Variants in SHMT2 observed in about 807,000 individuals in gnomAD.
SHMT2 encodes the protein serine hydroxymethyltransferase 2.
SHMT2 carries 38 observed loss-of-function variants against 59.6 expected under a neutral mutation model. The observed-to-expected ratio is 0.64, with a 90% CI of 0.49 to 0.84. The LOEUF (loss-of-function observed/expected upper bound fraction) is 0.84, where lower values mean the gene tolerates loss of function less well. Ranked by LOEUF, SHMT2 falls within the 40% of genes least tolerant of loss-of-function variation. The probability of loss-of-function intolerance (pLI) is 0.00; values close to 1 mark genes in which losing one functional copy is unlikely to be tolerated. For missense variants in SHMT2, 533 were observed against 659.5 expected, an observed-to-expected ratio of 0.81 and a Z score of 2.10; for synonymous variants, 254 against 258.1, an observed-to-expected ratio of 0.98 and a Z score of 0.15.
Position 57,233,575 on chromosome 12 carries a change from A to G in SHMT2, c.1036A>G (p.Met346Val), listed in dbSNP as rs371588002. 1.9e-6 allele frequency: 3 copies of G among 1,613,496 alleles called. No individual in the cohort carries two copies. The highest frequency in any genetic ancestry group is 1.1e-5 in the South Asian group (1 of 91,006). The change falls in exon 9 of 12, where the codon ATG (methionine) becomes GTG (valine). Residue 346 changes from methionine (M) to valine (V), a missense_variant. Physicochemically the swap from Met to Val is conservative, Grantham distance 21 (BLOSUM62 1). Transcript: ENST00000328923. ...AVALKQACTP[M>V]FREYSLQVLK... ...GTCTCATCTCCAGGCCTGCACCCCCATGTTCCGGGAGTACTCCCTGCAGGT... is the reference window on the plus strand; with the variant it reads ...GTCTCATCTCCAGGCCTGCACCCCCGTGTTCCGGGAGTACTCCCTGCAGGT...
rs1394067487 is a variant in SHMT2 at position 57,232,047 on chromosome 12, G to A, written c.512+134G>A. On this transcript the variant is annotated intron_variant, in intron 4 of 11. Coordinates refer to ENST00000328923, the MANE Select transcript of SHMT2 (RefSeq NM_005412.6). ...TGTCCTGCATGTCACAGTGGATGAG[G>A]AAGATAAGATCCCAGTTATAGTGCC... 2.6e-6 allele frequency: 3 copies of A among 1,171,170 alleles called. No homozygotes were observed. The African/African-American group carries it at 4.5e-5, about 18-fold the overall frequency. The allele number at this position is 1,171,170 out of a possible 1,614,324, so 72.5% of individuals were successfully genotyped here.
chr12:57,230,301 C>T (rs534787441), intron 1 of SHMT2: 4 of 1,155,520 alleles, frequency 3.5e-6, no homozygotes, highest in South Asian at 1.7e-5. Context: ...GATCCCCACC[C>T]CCACCACTCC....
chr12:57,230,030 C>A, intron 1 of SHMT2: 1 of 1,421,996 alleles, frequency 7.0e-7, no homozygotes, highest in Admixed American at 2.9e-5. Context: ...CGCCCCAGGG[C>A]CTCGTGACCG....
intron 1 of SHMT2, 57 bp from the exon 2 acceptor site, chr12:57,230,746 C>A: frequency 6.3e-7 from 1 of 1,586,568 alleles, no homozygotes; most frequent in Non-Finnish European, 8.6e-7. Flanking sequence ...GTGAGGGTGG[C>A]CGGGAGACGA....
At position 57,232,846 on chromosome 12, in the gene SHMT2, C is replaced by A. The variant is rs755031581; in HGVS notation, c.857+3C>A. ...CACAAGACTCTTCGAGGGGCCAGGT[C>A]AGGCTCCCTGAGGTCGGGCCTTGCC... On this transcript the variant is annotated splice_donor_region_variant and intron_variant, in intron 7 of 11. Transcript: ENST00000328923. The A allele has an allele frequency of 2.5e-6, 4 of 1,603,590 alleles. No homozygotes were observed. The South Asian group carries it at 4.4e-5, about 18-fold the overall frequency.
rs73338162 is a variant in SHMT2, at chr12:57,230,918, C to G, written c.149C>G (p.Ser50Trp). The G allele has an allele frequency of 3.1e-6, 5 of 1,613,948 alleles. No individual in the cohort carries two copies. The South Asian group carries it at 4.4e-5, about 14-fold the overall frequency. ...GGCTGGACAGGCCAGGAGAGCCTGT[C>G]GGACAGTGATCCTGAGATGTGGGAG... Reference protein sequence around the residue: ...NRGWTGQESLSDSDPEMWELL... With the variant: ...NRGWTGQESLWDSDPEMWELL... Residue 50 changes from serine (S) to tryptophan (W), a missense_variant, in exon 2 of 12, where the codon TCG (serine) becomes TGG (tryptophan). By Grantham distance (177) the Ser-to-Trp change is radical (BLOSUM62 -3). Coordinates refer to ENST00000328923, the MANE Select transcript of SHMT2 (RefSeq NM_005412.6).
rs1432419003 is a variant in SHMT2, at chr12:57,231,545, G to T, written c.296G>T (p.Gly99Val). ...GSCLNNKYSE[G>V]YPGKRYYGGA... The stretch of plus-strand genomic sequence containing the variant: ...TGTCTGAACAACAAGTACTCGGAGG[G>T]TTATCCTGGCAAGAGGTGAGGGCTG... The change falls in exon 3 of 12, where the codon GGT (glycine) becomes GTT (valine). Residue 99 changes from glycine to valine, a missense_variant. Transcript: ENST00000328923. 23 of 1,614,098 alleles carry T rather than the reference G, an allele frequency of 1.4e-5. No homozygotes were observed. The highest frequency in any genetic ancestry group is 2.2e-5 in the East Asian group (1 of 44,904).
At position 57,233,167 on chromosome 12, in the gene SHMT2, A is replaced by T. The variant is rs199729005; in HGVS notation, c.858-13A>T. On this transcript the variant is annotated splice_polypyrimidine_tract_variant and intron_variant, in intron 7 of 11. Coordinates refer to ENST00000328923, the MANE Select transcript of SHMT2 (RefSeq NM_005412.6). ...TTTTCAGCTTAGACTCTGACCATCC[A>T]CCTCTCACACAGGTCAGGGCTCATC... The T allele has an allele frequency of 6.6e-7, 1 of 1,521,262 alleles. No homozygotes were observed. The highest frequency in any genetic ancestry group is 1.4e-5 in the African/African-American group (1 of 71,686). 94.2% of individuals were successfully genotyped at this position (1,521,262 alleles called of 1,614,324 possible). A position where few individuals can be genotyped will look rare whatever the true frequency, so the allele number is the denominator to read the frequency against.
rs2037318660 is a variant in SHMT2, at chr12:57,231,566, G to A, written c.311+6G>A. 6.8e-6 allele frequency: 11 copies of A among 1,614,080 alleles called. No homozygotes were observed. The highest frequency in any genetic ancestry group is 1.3e-5 in the African/African-American group (1 of 74,946). On this transcript the variant is annotated splice_donor_region_variant and intron_variant, in intron 3 of 11. Transcript: ENST00000328923. The stretch of plus-strand genomic sequence containing the variant: ...GAGGGTTATCCTGGCAAGAGGTGAG[G>A]GCTGGAGGGCAGTGTCAGGGATGGT...
Position 57,233,845 on chromosome 12 carries a change from C to T in SHMT2, c.1220C>T (p.Ala407Val). The stretch of plus-strand genomic sequence containing the variant: ...GTGCTAGAGCTTGTATCCATCACTG[C>T]CAACAAGAACACCTGTCCTGGAGAC... Reference protein sequence around the residue: ...ERVLELVSITANKNTCPGDRS... With the variant: ...ERVLELVSITVNKNTCPGDRS... The change falls in exon 10 of 12, where the codon GCC (alanine) becomes GTC (valine). Residue 407 changes from alanine (A) to valine (V), a missense_variant. Transcript: ENST00000328923. 1 of 1,614,196 alleles carries T rather than the reference C, an allele frequency of 6.2e-7. No individual in the cohort carries two copies. The highest frequency in any genetic ancestry group is 8.5e-7 in the Non-Finnish European group (1 of 1,180,038).
At chr12:57,231,432 C>T in intron 2 of SHMT2, 49 bp from the exon 3 acceptor site, 1 of 1,587,694 alleles carries the variant, frequency 6.3e-7, no homozygotes, top group Non-Finnish European at 8.6e-7. Flanking sequence ...CTGTGGGAGT[C>T]CAGGGGAAGG....
Position 57,231,792 on chromosome 12 carries a change from C to T in SHMT2, c.391C>T (p.Pro131Ser). Residue 131 changes from proline (P) to serine (S), a missense_variant, in exon 4 of 12, where the codon CCT (proline) becomes TCT (serine). Pro to Ser is a moderately conservative substitution (Grantham distance 74). Coordinates refer to ENST00000328923, the MANE Select transcript of SHMT2 (RefSeq NM_005412.6). Reference protein sequence around the residue: ...RRALEAFDLDPAQWGVNVQPY... With the variant: ...RRALEAFDLDSAQWGVNVQPY... ...GGCCTTGGAAGCCTTTGACCTGGATCCTGCACAGTGGGGAGTCAATGTCCA... is the reference window on the plus strand; with the variant it reads ...GGCCTTGGAAGCCTTTGACCTGGATTCTGCACAGTGGGGAGTCAATGTCCA... The T allele has an allele frequency of 6.2e-7, 1 of 1,614,154 alleles. No homozygotes were observed. The highest frequency in any genetic ancestry group is 8.5e-7 in the Non-Finnish European group (1 of 1,180,004).
intron 1 of SHMT2, chr12:57,230,207 G>A (rs1271427408): frequency 7.8e-7 from 1 of 1,274,710 alleles, no homozygotes; most frequent in South Asian, 1.3e-5. Flanking sequence ...TCAGGCAGGG[G>A]TCCCGGCGGC....
At chr12:57,231,054 C>G in intron 2 of SHMT2, 54 bp downstream of exon 2, 1 of 1,539,462 alleles carries the variant, frequency 6.5e-7, no homozygotes, top group Non-Finnish European at 9.0e-7. Flanking sequence ...CAGGAAGTAA[C>G]AAAGTTATCT....
At chr12:57,230,183 C>T in intron 1 of SHMT2, 1 of 1,294,504 alleles carries the variant, frequency 7.7e-7, no homozygotes, top group South Asian at 1.3e-5. Flanking sequence ...TGCAACCGAG[C>T]TTCACTGCTT....
In SHMT2 at chr12:57,231,086, C is replaced by G. The variant is rs1345212990; in HGVS notation, c.231+86C>G. On this transcript the variant is annotated intron_variant, in intron 2 of 11. Transcript: ENST00000328923. ...ATCTTAACTGATATTTCTCCAAAAC[C>G]CCCTTTCACACTCAGGACCTTTCTT... 6.0e-6 allele frequency: 8 copies of G among 1,328,332 alleles called. No individual in the cohort carries two copies. In the African/African-American group the frequency reaches 1.2e-4, roughly 19 times the overall value. The allele number at this position is 1,328,332 out of a possible 1,614,324, so 82.3% of individuals were successfully genotyped here. A position where few individuals can be genotyped will look rare whatever the true frequency, so the allele number is the denominator to read the frequency against.
At position 57,230,716 on chromosome 12, in the gene SHMT2, G is replaced by A. The variant is rs912846837; in HGVS notation, c.34-87G>A. The A allele has an allele frequency of 6.6e-6, 10 of 1,525,040 alleles. No individual in the cohort carries two copies. The South Asian group carries it at 7.5e-5, about 11-fold the overall frequency. 94.5% of individuals were successfully genotyped at this position (1,525,040 alleles called of 1,614,324 possible). A position where few individuals can be genotyped will look rare whatever the true frequency, so the allele number is the denominator to read the frequency against. On this transcript the variant is annotated intron_variant, in intron 1 of 11. Coordinates refer to ENST00000328923, the MANE Select transcript of SHMT2 (RefSeq NM_005412.6). ...GGCTGGCTGGACAACTGGCAGCTTG[G>A]TGTGGCCTTAGAAGCATGAGTGAGG...
rs772801046 is a variant in SHMT2, at chr12:57,233,228, G to C, written c.906G>C (p.Lys302Asn). 1.2e-6 allele frequency: 2 copies of C among 1,605,132 alleles called. No homozygotes were observed. Among genetic ancestry groups the C allele is most frequent in the African/African-American group, 1.3e-5 (1 of 74,804 alleles). Residue 302 changes from lysine to asparagine, a missense_variant, in exon 8 of 12, where the codon AAG (lysine) becomes AAC (asparagine). Transcript: ENST00000328923. ...AAGGGGTGAAGGCTGTGGACCCCAA[G>C]ACTGGCCGGGAGATCCCTTACACAT... Reference protein sequence around the residue: ...YRKGVKAVDPKTGREIPYTFE... With the variant: ...YRKGVKAVDPNTGREIPYTFE...
Position 57,234,561 on chromosome 12 carries a change from A to T in SHMT2, c.*200A>T, listed in dbSNP as rs2037475180. On this transcript the variant is annotated 3_prime_UTR_variant, in exon 12 of 12. Transcript: ENST00000328923. ...TTTCCTTTTTTTGGTAACAAGACTT[A>T]GAAGGAGGGCCCAGGCACTTTCTGT... The T allele has an allele frequency of 5.9e-6, 3 of 512,126 alleles. 1 individual carries two copies. The East Asian group carries it at 1.0e-4, about 17-fold the overall frequency. 31.7% of individuals were successfully genotyped at this position (512,126 alleles called of 1,614,324 possible).
Sources: gnomAD v4.1 joint callset for allele counts on GRCh38, gnomAD v4.1.1 for gene constraint, MANE v1.5 for transcripts, NCBI Gene and HGNC (gene_info 2026-07-23, HGNC 2026-07-21) for gene names.